The following ARMH3 variants were observed in gnomAD, a reference collection of about 807,000 sequenced individuals.
ARMH3 encodes the protein armadillo like helical domain containing 3, also known as armadillo-like helical domain-containing protein 3.
ARMH3 carries 60 observed loss-of-function variants against 99.1 expected under a neutral mutation model. The observed-to-expected ratio is 0.61, with a 90% confidence interval of 0.49 to 0.75. ARMH3 has a LOEUF of 0.75. Among genes scored for constraint, ARMH3 ranks in the 30% least tolerant of loss-of-function variants. ARMH3 has a pLI of 0.00. For missense variants in ARMH3, 679 were observed against 843.1 expected (o/e 0.81, Z 2.41); for synonymous variants, 285 against 292.8 (o/e 0.97, Z 0.27).
At chr10:102,027,227 C>T (rs2067019570) in intron 5 of ARMH3, among the ~76,000 whole-genome samples, 2 of 146,236 alleles carry the variant, frequency 1.4e-5, no homozygotes, top group South Asian at 4.3e-4. Context: ...TGCAGTGAGC[C>T]GAGATTGCAC....
At chr10:101,971,665 A>G (rs1453362207) in intron 20 of ARMH3, among the ~76,000 whole-genome samples, 3 of 152,230 alleles carry the variant, frequency 2.0e-5, no homozygotes, top group African/African-American at 7.2e-5. Context: ...TTTTTGACAC[A>G]AGGGGCTTCA....
chr10:101,939,977 G>A (rs1012488232), intron 22 of ARMH3, 39 bp from the exon 23 acceptor site: 39 of 1,551,252 alleles, frequency 2.5e-5, no homozygotes, highest in Admixed American at 8.4e-5. Flanking sequence ...TCAAACCCCC[G>A]GCATAAAACA....
At position 102,006,686 on chromosome 10, in the gene ARMH3, G is replaced by C. The variant is rs961710462; in HGVS notation, c.955-53C>G. 9.1e-6 allele frequency: 14 copies of C among 1,533,426 alleles called. No individual in the cohort carries two copies. The African/African-American group carries it at 1.6e-4, about 18-fold the overall frequency. 95.0% of individuals were successfully genotyped at this position (1,533,426 alleles called of 1,614,324 possible). On this transcript the variant is annotated intron_variant, in intron 13 of 25. Coordinates refer to ENST00000370033, the MANE Select transcript of ARMH3 (RefSeq NM_024541.3). ...AAACAGAAAATCCAGTTCTCCCTGA[G>C]TATCAAGTGCCTAATACCAATAAGG...
intron 19 of ARMH3, among the ~76,000 whole-genome samples, chr10:101,980,376 G>A (rs746291397): frequency 6.6e-6 from 1 of 152,090 alleles, no homozygotes; most frequent in Non-Finnish European, 1.5e-5. Flanking sequence ...TCGGCTCACT[G>A]CAACCTCTGC....
intron 22 of ARMH3, among the ~76,000 whole-genome samples, chr10:101,944,259 TATATATATATATATAGAG>T (rs1844382035): frequency 1.5e-5 from 1 of 65,956 alleles, no homozygotes; most frequent in African/African-American, 7.3e-5. Context: ...TATATATATA[TATATATATATATATAGAG>T]AGAGAGAGAG....
At chr10:101,946,171 A>C (rs1844523401) in intron 22 of ARMH3, among the ~76,000 whole-genome samples, 1 of 151,804 alleles carries the variant, frequency 6.6e-6, no homozygotes, top group South Asian at 2.1e-4. Flanking sequence ...AAAGTGACCA[A>C]TTCTCAAAAG....
At chr10:101,912,620 C>A (rs1304266097) in intron 23 of ARMH3, among the ~76,000 whole-genome samples, 1 of 152,160 alleles carries the variant, frequency 6.6e-6, no homozygotes, top group Non-Finnish European at 1.5e-5. Flanking sequence ...CAAGTAAAGA[C>A]AGTTTACATC....
At chr10:102,001,079 A>G (rs979109266) in intron 15 of ARMH3, among the ~76,000 whole-genome samples, 1 of 152,106 alleles carries the variant, frequency 6.6e-6, no homozygotes, top group African/African-American at 2.4e-5. Flanking sequence ...AGCCTCCCAA[A>G]GGGCTGGGAT....
intron 19 of ARMH3, among the ~76,000 whole-genome samples, chr10:101,984,657 T>C (rs1846381681): frequency 6.6e-6 from 1 of 152,176 alleles, no homozygotes; most frequent in Non-Finnish European, 1.5e-5. Flanking sequence ...GCTCCTAGAT[T>C]CTGTTCCTGT....
intron 23 of ARMH3, among the ~76,000 whole-genome samples, chr10:101,920,800 C>T (rs746747184): frequency 1.3e-5 from 2 of 152,144 alleles, no homozygotes; most frequent in Non-Finnish European, 2.9e-5. Flanking sequence ...TACAATGGAA[C>T]ATTATTCAGC....
At chr10:102,053,927 T>C (rs2067772870) in intron 1 of ARMH3, among the ~76,000 whole-genome samples, 2 of 152,186 alleles carry the variant, frequency 1.3e-5, no homozygotes, top group Admixed American at 6.6e-5. Context: ...CAAAGTTACA[T>C]AGTAAGTGCT....
intron 22 of ARMH3, among the ~76,000 whole-genome samples, chr10:101,941,668 T>C (rs973917796): frequency 1.3e-5 from 2 of 152,186 alleles, no homozygotes; most frequent in Non-Finnish European, 2.9e-5. Flanking sequence ...TGCTGCTTTT[T>C]TAATTTATAA....
At chr10:101,901,776 G>A (rs2067986979) in intron 23 of ARMH3, among the ~76,000 whole-genome samples, 1 of 152,176 alleles carries the variant, frequency 6.6e-6, no homozygotes, top group Admixed American at 6.5e-5. Flanking sequence ...AGTTATGTCA[G>A]TGAGGTAAAG....
chr10:102,056,004 C>G (rs1009687851), intron 1 of ARMH3, 81 bp downstream of exon 1: 1 of 152,338 alleles, frequency 6.6e-6, no homozygotes, highest in Admixed American at 6.5e-5. Context: ...AGAACCGCCT[C>G]GGGGCCAAGG....
chr10:101,861,654 CG>C (rs1165591202), intron 24 of ARMH3, among the ~76,000 whole-genome samples: 3 of 142,824 alleles, frequency 2.1e-5, no homozygotes, highest in South Asian at 4.5e-4. Flanking sequence ...TGCTTAAAGC[CG>C]GGAGGCAGAG....
intron 2 of ARMH3, among the ~76,000 whole-genome samples, chr10:102,037,076 T>A (rs1232454009): frequency 6.6e-6 from 1 of 151,182 alleles, no homozygotes; most frequent in East Asian, 1.9e-4. Flanking sequence ...AATAAATAAT[T>A]GATTAATTAA....
chr10:101,888,243 C>T (rs995873602), intron 24 of ARMH3, among the ~76,000 whole-genome samples: 3 of 152,098 alleles, frequency 2.0e-5, no homozygotes, highest in South Asian at 4.1e-4. Context: ...AAGCACCTCA[C>T]AGACAGCACA....
At chr10:101,969,088 T>C (rs1167666323) in intron 20 of ARMH3, among the ~76,000 whole-genome samples, 1 of 152,068 alleles carries the variant, frequency 6.6e-6, no homozygotes, top group Non-Finnish European at 1.5e-5. Flanking sequence ...AAAAACAAGA[T>C]AGAAATAGCA....
chr10:102,033,285 T>C lies in ARMH3; in HGVS notation c.157A>G (p.Lys53Glu), dbSNP rs1320153455. The C allele has an allele frequency of 1.2e-6, 2 of 1,614,138 alleles. No homozygotes were observed. Among genetic ancestry groups the C allele is most frequent in the African/African-American group, 2.7e-5 (2 of 75,036 alleles). Reference sequence around the variant, plus strand: ...CCACAGATGCCACCAACTCTTACCTTCATGAGAAAGAGCTCCTCCCAAAAC... The same window carrying C: ...CCACAGATGCCACCAACTCTTACCTCCATGAGAAAGAGCTCCTCCCAAAAC... ...PRFWEELFLMKVNLEYLEGKL... is the reference protein window; with the variant it reads ...PRFWEELFLMEVNLEYLEGKL... Residue 53 changes from lysine (K) to glutamate (E), a missense_variant and splice_region_variant, in exon 3 of 26, where the codon AAG becomes GAG. Lys to Glu is a moderately conservative substitution (Grantham distance 56). This residue lies in a region of ARMH3 where 280 missense variants were observed against 354.6 expected (regional missense o/e 0.79). Coordinates refer to ENST00000370033, the MANE Select transcript of ARMH3 (RefSeq NM_024541.3).
Sources: allele counts gnomAD v4.1 joint callset (sites outside exome capture counted in the v4.1 genomes callset), GRCh38; gene constraint gnomAD v4.1.1; regional missense constraint gnomAD v4.1.1; transcripts MANE v1.5; gene names NCBI Gene and HGNC (gene_info 2026-07-23, HGNC 2026-07-21).